The following MAPK10 variants were observed in gnomAD, a reference collection of about 807,000 sequenced individuals.
MAPK10 encodes the protein mitogen-activated protein kinase 10, also known as JNK3 alpha protein kinase.
In MAPK10, 25 loss-of-function variants were observed where a neutral mutation model predicts 59.3. The ratio of observed to expected loss-of-function variants is 0.42; its 90% CI spans 0.31 to 0.59. The LOEUF (loss-of-function observed/expected upper bound fraction) is 0.59. Ranked by LOEUF, MAPK10 falls within the 20% of genes least tolerant of loss-of-function variation. The probability of loss-of-function intolerance (pLI) is 0.15; values close to 1 mark genes in which losing one functional copy is unlikely to be tolerated. For synonymous variants in MAPK10, 190 were observed against 200.5 expected, an observed-to-expected ratio of 0.95 and a Z score of 0.44; for missense variants, 351 against 568.9, an observed-to-expected ratio of 0.62 and a Z score of 3.90.
intron 3 of MAPK10, among the ~76,000 whole-genome samples, chr4:86,180,298 G>C (rs2076606047): frequency 6.6e-6 from 1 of 151,824 alleles, no homozygotes; most frequent in Non-Finnish European, 1.5e-5. Context: ...TTCTACCCCG[G>C]TTAGAATGAC....
At chr4:86,303,321 T>C (rs964535704) in intron 2 of MAPK10, among the ~76,000 whole-genome samples, 5 of 152,226 alleles carry the variant, frequency 3.3e-5, no homozygotes, top group Non-Finnish European at 7.3e-5. Flanking sequence ...TGCTAAAATA[T>C]TCCCATTACC....
intron 2 of MAPK10, among the ~76,000 whole-genome samples, chr4:86,280,199 G>T (rs1326925036): frequency 6.6e-6 from 1 of 152,002 alleles, no homozygotes; most frequent in African/African-American, 2.4e-5. Flanking sequence ...AAAATTCACA[G>T]ACTATGCATT....
chr4:86,313,004 T>C (rs1303223591), intron 2 of MAPK10, among the ~76,000 whole-genome samples: 4 of 152,146 alleles, frequency 2.6e-5, no homozygotes, highest in Non-Finnish European at 5.9e-5. Flanking sequence ...TGTAGATACA[T>C]ATGTAGGCAT....
chr4:86,156,732 T>C (rs1437673619), intron 4 of MAPK10, among the ~76,000 whole-genome samples: 3 of 152,046 alleles, frequency 2.0e-5, no homozygotes. Context: ...TTTCTTCCCA[T>C]GCTTGTTTTT....
chr4:86,157,735 C>A (rs1436006479), intron 4 of MAPK10, among the ~76,000 whole-genome samples: 1 of 150,850 alleles, frequency 6.6e-6, no homozygotes, highest in East Asian at 1.9e-4. Context: ...CCAAAATATC[C>A]TATAAAACAT....
At chr4:86,581,719 GTGAAGA>G (rs1319472416) in intron 1 of MAPK10, among the ~76,000 whole-genome samples, 1 of 146,668 alleles carries the variant, frequency 6.8e-6, no homozygotes, top group Non-Finnish European at 1.5e-5. Context: ...TGTTATTTTG[GTGAAGA>G]TGAAGTATAA....
chr4:86,436,229 G>A (rs1748697836), intron 1 of MAPK10, among the ~76,000 whole-genome samples: 1 of 151,982 alleles, frequency 6.6e-6, no homozygotes, highest in Admixed American at 6.6e-5. Flanking sequence ...GTAACTCCTG[G>A]GTGGCCAAAA....
chr4:86,294,989 G>A lies in MAPK10; in HGVS notation c.-7+59541C>T, dbSNP rs536122534. On this transcript the variant is annotated intron_variant, in intron 2 of 13. Coordinates refer to ENST00000641462, the MANE Select transcript of MAPK10 (RefSeq NM_138982.4). ...CCAAAACGGAAAAACCGGTGATACA[G>A]GGAACTTGCTAGAGGCCTCAGAAGG... is the stretch of plus-strand genomic sequence containing the variant. Among the ~76,000 whole-genome samples, 20 of 145,352 alleles carry A rather than the reference G, an allele frequency of 1.4e-4. No homozygotes were observed. The East Asian group carries it at 2.5e-3, about 18-fold the overall frequency.
At chr4:86,332,472 C>A (rs2096176383) in intron 2 of MAPK10, 1 of 151,990 alleles carries the variant, frequency 6.6e-6, no homozygotes, top group African/African-American at 2.4e-5. Flanking sequence ...TCTCAGCTCT[C>A]AGTAATAGAA....
intron 1 of MAPK10, among the ~76,000 whole-genome samples, chr4:86,390,380 A>G (rs1320177546): frequency 6.6e-6 from 1 of 152,224 alleles, no homozygotes; most frequent in African/African-American, 2.4e-5. Flanking sequence ...GCTTTGCAAC[A>G]CTTTTGACAC....
rs567947232 is a variant in MAPK10 at position 86,494,842 on chromosome 4, C to CAAAAAAAAAAAAAAAAAA, written c.-263+99050_-263+99067dup. Among the ~76,000 whole-genome samples, 3 of 23,968 alleles carry CAAAAAAAAAAAAAAAAAA rather than the reference C, an allele frequency of 1.3e-4. 1 individual carries two copies. The highest frequency in any genetic ancestry group is 4.8e-4 in the African/African-American group (2 of 4,204). The allele number at this position is 23,968 out of a possible 152,430, so 15.7% of individuals were successfully genotyped here. A position where few individuals can be genotyped will look rare whatever the true frequency, so the allele number is the denominator to read the frequency against. ...TGGGCGACAGAGAGAGACTCCGTCT[C>CAAAAAAAAAAAAAAAAAA]AAAAAAAAAAAAAAAAAAAAAAAAA... On this transcript the variant is annotated intron_variant, in intron 1 of 4. Coordinates refer to the MAPK10 transcript ENST00000502302.
chr4:86,196,476 T>C (rs1046042446), intron 2 of MAPK10, among the ~76,000 whole-genome samples: 5 of 152,214 alleles, frequency 3.3e-5, no homozygotes, highest in Non-Finnish European at 7.3e-5. Flanking sequence ...CTTTGTCAGA[T>C]GGATACATTG....
At chr4:86,355,420 T>A (rs1043369906) in intron 1 of MAPK10, among the ~76,000 whole-genome samples, 1 of 152,064 alleles carries the variant, frequency 6.6e-6, no homozygotes, top group African/African-American at 2.4e-5. Context: ...CATTGTCACC[T>A]ACCATCACTT....
intron 1 of MAPK10, among the ~76,000 whole-genome samples, chr4:86,412,534 C>T (rs933777115): frequency 1.6e-4 from 24 of 152,298 alleles, no homozygotes; most frequent in African/African-American, 5.3e-4. Context: ...CTTTCTGGTA[C>T]ACCAATCAAA....
chr4:86,225,969 G>A (rs2090544597), intron 2 of MAPK10, among the ~76,000 whole-genome samples: 1 of 152,180 alleles, frequency 6.6e-6, no homozygotes, highest in Admixed American at 6.5e-5. Flanking sequence ...GAAAAAGAAA[G>A]TAGATATAGA....
chr4:86,266,528 A>G (rs563119219), intron 2 of MAPK10, among the ~76,000 whole-genome samples: 3 of 152,328 alleles, frequency 2.0e-5, no homozygotes, highest in South Asian at 2.1e-4. Context: ...CTCTAAGCCA[A>G]ATAGATATTT....
chr4:86,577,539 C>T (rs1163841789), intron 1 of MAPK10, among the ~76,000 whole-genome samples: 2 of 151,834 alleles, frequency 1.3e-5, no homozygotes, highest in Admixed American at 6.6e-5. Context: ...TAAGAAAGTC[C>T]CTGAAATGGA....
intron 1 of MAPK10, among the ~76,000 whole-genome samples, chr4:86,390,854 T>C (rs1453806639): frequency 6.6e-6 from 1 of 152,210 alleles, no homozygotes; most frequent in Non-Finnish European, 1.5e-5. Context: ...ATATATTTGC[T>C]CTTGTCAAAG....
intron 1 of MAPK10, among the ~76,000 whole-genome samples, chr4:86,479,769 CT>C (rs1753433118): frequency 1.3e-5 from 2 of 152,122 alleles, no homozygotes; most frequent in Non-Finnish European, 1.5e-5. Context: ...TGTTTTTCTC[CT>C]TGTCTTATTC....
Sources: allele counts gnomAD v4.1 joint callset (sites outside exome capture counted in the v4.1 genomes callset), GRCh38; gene constraint gnomAD v4.1.1; transcripts MANE v1.5; gene names NCBI Gene and HGNC (gene_info 2026-07-23, HGNC 2026-07-21).